CNTN5: variants seen among roughly 807,000 people sequenced by gnomAD.
CNTN5 encodes the protein contactin-5.
In CNTN5, 77 loss-of-function variants were observed where a neutral mutation model predicts 129.1. That is an observed-to-expected ratio of 0.60 (90% CI 0.50 to 0.72). CNTN5 has a LOEUF of 0.72. CNTN5 is among the 30% of genes least tolerant of loss of function. CNTN5 has a pLI of 0.00. For missense variants in CNTN5, 1,478 were observed against 1,328.8 expected (o/e 1.11, Z -1.75); for synonymous variants, 509 against 465.6 (o/e 1.09, Z -1.20).
At chr11:99,223,826 C>A (rs559312085) in intron 1 of CNTN5, among the ~76,000 whole-genome samples, 1 of 152,268 alleles carries the variant, frequency 6.6e-6, no homozygotes. Flanking sequence ...ATTCTGCTGC[C>A]ATGTGCAAGC....
chr11:100,248,707 T>C (rs146405708), intron 16 of CNTN5, among the ~76,000 whole-genome samples: 7 of 152,314 alleles, frequency 4.6e-5, no homozygotes, highest in African/African-American at 1.7e-4. Flanking sequence ...ATGTTATCTA[T>C]GTGAGAAAAA....
intron 1 of CNTN5, among the ~76,000 whole-genome samples, chr11:99,055,061 A>T (rs1864576245): frequency 6.6e-6 from 1 of 151,972 alleles, no homozygotes; most frequent in Non-Finnish European, 1.5e-5. Flanking sequence ...TATTCCCAGA[A>T]TTCAAAATAT....
intron 17 of CNTN5, among the ~76,000 whole-genome samples, chr11:100,258,126 G>T (rs1269190981): frequency 1.3e-5 from 2 of 152,022 alleles, no homozygotes; most frequent in East Asian, 3.9e-4. Flanking sequence ...ACAGCACGAG[G>T]ACTTTGTGAA....
At chr11:99,135,322 A>G (rs933044990) in intron 1 of CNTN5, among the ~76,000 whole-genome samples, 9 of 152,202 alleles carry the variant, frequency 5.9e-5, no homozygotes, top group African/African-American at 1.2e-4. Flanking sequence ...ATAGAGGGAT[A>G]TGATAGAAAG....
intron 1 of CNTN5, among the ~76,000 whole-genome samples, chr11:99,263,293 C>T (rs1218977596): frequency 6.6e-6 from 1 of 152,068 alleles, no homozygotes; most frequent in Non-Finnish European, 1.5e-5. Context: ...AAAAAACTAT[C>T]CTTTTGAAAA....
At chr11:99,241,942 A>T (rs1861582204) in intron 1 of CNTN5, among the ~76,000 whole-genome samples, 2 of 152,204 alleles carry the variant, frequency 1.3e-5, no homozygotes, top group African/African-American at 4.8e-5. Flanking sequence ...ACATACACAC[A>T]CACACAATTT....
chr11:99,530,791 T>G (rs1947672126), intron 2 of CNTN5, among the ~76,000 whole-genome samples: 1 of 152,178 alleles, frequency 6.6e-6, no homozygotes, highest in South Asian at 2.1e-4. Flanking sequence ...TTCCTCATTC[T>G]CTCTTACTGC....
At chr11:99,794,589 C>T (rs887076605) in intron 3 of CNTN5, among the ~76,000 whole-genome samples, 1 of 152,148 alleles carries the variant, frequency 6.6e-6, no homozygotes, top group African/African-American at 2.4e-5. Context: ...TTTAGCACTC[C>T]TTCAGGATGT....
intron 13 of CNTN5, among the ~76,000 whole-genome samples, chr11:100,145,064 C>T (rs1036372780): frequency 1.5e-5 from 2 of 130,976 alleles, no homozygotes; most frequent in Non-Finnish European, 1.8e-5. Flanking sequence ...TAACTAGATT[C>T]AATAGGTCTT....
At position 100,076,204 on chromosome 11, in the gene CNTN5, C is replaced by T. The variant is rs116373726; in HGVS notation, c.1580+1910C>T. On this transcript the variant is annotated intron_variant, in intron 13 of 24. Coordinates refer to ENST00000524871, the MANE Select transcript of CNTN5 (RefSeq NM_014361.4). ...ACACTGCTAGGTTATTTTTTCTGGACGTATTAAAAAGCTTACAGTGTCATT... is the reference window on the plus strand; with the variant it reads ...ACACTGCTAGGTTATTTTTTCTGGATGTATTAAAAAGCTTACAGTGTCATT... 6.8e-3 allele frequency among the ~76,000 whole-genome samples: 1,041 copies of T among 152,006 alleles called. 14 individuals carry two copies. Among genetic ancestry groups the T allele is most frequent in the African/African-American group, 0.023 (972 of 41,462 alleles).
Position 99,218,046 on chromosome 11 carries a change from A to G in CNTN5, c.-209-107300A>G, listed in dbSNP as rs559550855. 3.3e-5 allele frequency among the ~76,000 whole-genome samples: 5 copies of G among 152,168 alleles called. No homozygotes were observed. In the South Asian group the frequency reaches 8.3e-4, roughly 25 times the overall value. On this transcript the variant is annotated intron_variant, in intron 1 of 24. Coordinates refer to ENST00000524871, the MANE Select transcript of CNTN5 (RefSeq NM_014361.4). Reference sequence around the variant, plus strand: ...AAAAAGATTACATTTATTTTCTCCAATTGCTTTTTTTCTGTTTTATGGTGG... The same window carrying G: ...AAAAAGATTACATTTATTTTCTCCAGTTGCTTTTTTTCTGTTTTATGGTGG...
intron 2 of CNTN5, among the ~76,000 whole-genome samples, chr11:99,539,789 G>T (rs910131958): frequency 6.6e-6 from 1 of 152,030 alleles, no homozygotes; most frequent in Non-Finnish European, 1.5e-5. Context: ...GTTTTAAAGT[G>T]TTGTAGGAAA....
intron 9 of CNTN5, among the ~76,000 whole-genome samples, chr11:100,060,223 A>AG (rs1197222210): frequency 2.0e-5 from 3 of 151,814 alleles, no homozygotes; most frequent in Non-Finnish European, 4.4e-5. Context: ...ATTAAAAAAA[A>AG]AAAAAAAAGA....
chr11:99,805,322 C>T (rs918315004), intron 3 of CNTN5, among the ~76,000 whole-genome samples: 3 of 152,078 alleles, frequency 2.0e-5, no homozygotes, highest in African/African-American at 7.2e-5. Context: ...TGTGGAACAT[C>T]CGGGTGTTTC....
chr11:100,097,649 T>C (rs1234678671), intron 13 of CNTN5, among the ~76,000 whole-genome samples: 1 of 152,194 alleles, frequency 6.6e-6, no homozygotes, highest in Admixed American at 6.6e-5. Context: ...GAATAGAGTA[T>C]AGGGAATGAA....
At chr11:100,277,773 C>T (rs1303714372) in intron 18 of CNTN5, among the ~76,000 whole-genome samples, 1 of 151,928 alleles carries the variant, frequency 6.6e-6, no homozygotes, top group Non-Finnish European at 1.5e-5. Context: ...TGGGTTGTCT[C>T]TTCACTTGTT....
At chr11:100,255,978 T>C in intron 17 of CNTN5, 60 bp downstream of exon 17, 1 of 1,476,512 alleles carries the variant, frequency 6.8e-7, no homozygotes, top group South Asian at 1.2e-5. Context: ...TCATAAGCTA[T>C]ATTTGGCTAA....
intron 8 of CNTN5, among the ~76,000 whole-genome samples, chr11:99,999,401 C>A (rs1235408477): frequency 1.4e-4 from 22 of 152,216 alleles, no homozygotes; most frequent in African/African-American, 3.1e-4. Context: ...AGGACACATG[C>A]AAAAATGCTC....
intron 21 of CNTN5, chr11:100,337,469 C>A: frequency 1.3e-6 from 1 of 746,002 alleles, no homozygotes; most frequent in Non-Finnish European, 2.5e-6. Context: ...TTAAGTCTTA[C>A]CCAAGACCTG....
Sources: gnomAD v4.1 joint callset for allele counts (sites outside exome capture counted in the v4.1 genomes callset) on GRCh38, gnomAD v4.1.1 for gene constraint, MANE v1.5 for transcripts, NCBI Gene and HGNC (gene_info 2026-07-23, HGNC 2026-07-21) for gene names.